The following GRIN2A variants were observed in gnomAD, a reference collection of about 807,000 sequenced individuals.
The protein encoded by GRIN2A is glutamate ionotropic receptor NMDA type subunit 2A.
In GRIN2A, 22 loss-of-function variants were observed where a neutral mutation model predicts 113.4. That is an observed-to-expected ratio of 0.19 (90% CI 0.14 to 0.28). GRIN2A has a LOEUF of 0.28. Ranked by LOEUF, GRIN2A falls within the 10% of genes least tolerant of loss-of-function variation. The pLI, the probability that GRIN2A is intolerant of heterozygous loss-of-function variation, is 1.00. For synonymous variants in GRIN2A, 827 were observed against 738.4 expected (o/e 1.12, Z -1.94); for missense variants, 1,502 against 1,887.0 (o/e 0.80, Z 3.78).
intron 3 of GRIN2A, among the ~76,000 whole-genome samples, chr16:9,903,323 T>C (rs896620085): frequency 1.3e-5 from 2 of 152,124 alleles, no homozygotes; most frequent in African/African-American, 4.8e-5. Flanking sequence ...ATACATTGCC[T>C]CCTGCTATTC....
intron 2 of GRIN2A, among the ~76,000 whole-genome samples, chr16:10,062,739 T>C (rs1048935074): frequency 6.6e-6 from 1 of 151,830 alleles, no homozygotes; most frequent in African/African-American, 2.4e-5. Context: ...ATGGCATATG[T>C]CTATAATCCC....
chr16:9,893,409 T>C (rs562444181), intron 3 of GRIN2A, among the ~76,000 whole-genome samples: 1 of 152,324 alleles, frequency 6.6e-6, no homozygotes, highest in African/African-American at 2.4e-5. Flanking sequence ...CTATTCTATC[T>C]GGTTTATTTG....
intron 4 of GRIN2A, among the ~76,000 whole-genome samples, chr16:9,862,678 T>G (rs145577056): frequency 6.6e-6 from 1 of 152,224 alleles, no homozygotes; most frequent in Non-Finnish European, 1.5e-5. Flanking sequence ...TAATTCTTTG[T>G]GTGCTCTTAA....
chr16:10,166,704 G>A (rs1244321099), intron 2 of GRIN2A, among the ~76,000 whole-genome samples: 1 of 152,178 alleles, frequency 6.6e-6, no homozygotes, highest in East Asian at 1.9e-4. Context: ...AATGTATGAA[G>A]AATGAACATA....
intron 2 of GRIN2A, among the ~76,000 whole-genome samples, chr16:10,154,034 A>T (rs190450077): frequency 6.6e-6 from 1 of 151,992 alleles, no homozygotes. Flanking sequence ...AATGCTGTCC[A>T]CCCCACAGTC....
At chr16:9,843,621 C>A (rs2042721154) in intron 5 of GRIN2A, among the ~76,000 whole-genome samples, 1 of 152,230 alleles carries the variant, frequency 6.6e-6, no homozygotes, top group Non-Finnish European at 1.5e-5. Context: ...ATCCCACCCC[C>A]ACATCCTGTC....
chr16:10,161,575 G>A (rs1439115413), intron 2 of GRIN2A, among the ~76,000 whole-genome samples: 1 of 152,208 alleles, frequency 6.6e-6, no homozygotes, highest in African/African-American at 2.4e-5. Flanking sequence ...ACAGCCTGAT[G>A]TGCAGAGCGT....
intron 2 of GRIN2A, among the ~76,000 whole-genome samples, chr16:10,158,365 C>G (rs2049745901): frequency 6.6e-6 from 1 of 152,110 alleles, no homozygotes; most frequent in East Asian, 1.9e-4. Context: ...GGATATCTAT[C>G]CTCAATAAGT....
At chr16:9,985,029 T>C (rs1234696671) in intron 2 of GRIN2A, among the ~76,000 whole-genome samples, 1 of 152,130 alleles carries the variant, frequency 6.6e-6, no homozygotes, top group Non-Finnish European at 1.5e-5. Flanking sequence ...CACACACTCA[T>C]GCATGCATGC....
In GRIN2A at chr16:10,000,851, C is replaced by T. The variant is rs144154527; in HGVS notation, c.415-62300G>A. 8.2e-3 allele frequency among the ~76,000 whole-genome samples: 1,246 copies of T among 152,108 alleles called. 10 individuals carry two copies. The highest frequency in any genetic ancestry group is 0.02 in the Middle Eastern group (6 of 294). On this transcript the variant is annotated intron_variant, in intron 2 of 12. Coordinates refer to ENST00000330684, the MANE Select transcript of GRIN2A (RefSeq NM_001134407.3). ...TCTTCAGCTTCTTCAGTTTTGTACTCCCATTACTTTGGTCCTAGTCTTGGT... is the reference window on the plus strand; with the variant it reads ...TCTTCAGCTTCTTCAGTTTTGTACTTCCATTACTTTGGTCCTAGTCTTGGT...
chr16:10,168,438 T>A lies in GRIN2A; in HGVS notation c.414+11560A>T, dbSNP rs1415482069. Among the ~76,000 whole-genome samples the A allele has an allele frequency of 2.6e-5, 4 of 152,232 alleles. No homozygotes were observed. In the East Asian group the frequency reaches 5.8e-4, roughly 22 times the overall value. ...GCACCAAGGCTTGGAGATCTTTTTTTAAAAATCAAGGATTTGAGAGGTACA... is the reference window on the plus strand; with the variant it reads ...GCACCAAGGCTTGGAGATCTTTTTTAAAAAATCAAGGATTTGAGAGGTACA... On this transcript the variant is annotated intron_variant, in intron 2 of 12. Transcript: ENST00000330684.
At chr16:10,165,528 G>GTA (rs962754645) in intron 2 of GRIN2A, among the ~76,000 whole-genome samples, 7 of 133,034 alleles carry the variant, frequency 5.3e-5, no homozygotes, top group East Asian at 2.3e-4. Context: ...ATATATATAT[G>GTA]TATATATATA....
intron 2 of GRIN2A, among the ~76,000 whole-genome samples, chr16:9,952,119 G>T (rs1567196702): frequency 6.6e-6 from 1 of 152,020 alleles, no homozygotes; most frequent in Non-Finnish European, 1.5e-5. Context: ...AGTGTGGAGG[G>T]TTCACTGGCC....
intron 2 of GRIN2A, among the ~76,000 whole-genome samples, chr16:10,034,147 T>C (rs2046980893): frequency 6.6e-6 from 1 of 152,100 alleles, no homozygotes; most frequent in Admixed American, 6.5e-5. Context: ...TGCAACCAAA[T>C]CATAAGTGTC....
intron 3 of GRIN2A, among the ~76,000 whole-genome samples, chr16:9,921,791 G>A (rs1323526586): frequency 6.6e-6 from 1 of 152,148 alleles, no homozygotes. Flanking sequence ...GAACCTAGAA[G>A]GTGTAGTGGA....
intron 7 of GRIN2A, among the ~76,000 whole-genome samples, chr16:9,840,408 C>A (rs1228338548): frequency 6.6e-6 from 1 of 152,116 alleles, no homozygotes; most frequent in Non-Finnish European, 1.5e-5. Context: ...TCCCCATGAT[C>A]CCGTCACCTC....
At chr16:10,073,463 G>C (rs557943979) in intron 2 of GRIN2A, among the ~76,000 whole-genome samples, 86 of 152,218 alleles carry the variant, frequency 5.6e-4, no homozygotes, top group Non-Finnish European at 1.1e-3. Flanking sequence ...TGAAGTCCTG[G>C]CTCAATGGAA....
chr16:9,819,142 T>G (rs1338843777), intron 10 of GRIN2A, among the ~76,000 whole-genome samples: 1 of 152,178 alleles, frequency 6.6e-6, no homozygotes, highest in Non-Finnish European at 1.5e-5. Flanking sequence ...AGATGAGGAA[T>G]AGTGTGCAGG....
chr16:10,119,388 G>GA (rs753862810), intron 2 of GRIN2A, among the ~76,000 whole-genome samples: 128,065 of 151,936 alleles, frequency 0.84, 54,783 homozygotes, highest in East Asian at 0.92. Flanking sequence ...TTGATGAGTT[G>GA]TTTTCATGCT....
Sources: gnomAD v4.1 joint callset for allele counts (sites outside exome capture counted in the v4.1 genomes callset) on GRCh38, gnomAD v4.1.1 for gene constraint, MANE v1.5 for transcripts, NCBI Gene and HGNC (gene_info 2026-07-23, HGNC 2026-07-21) for gene names.